Variants in CA7 observed in about 807,000 individuals in gnomAD.
The protein encoded by CA7 is carbonic anhydrase 7, also known as carbonate dehydratase VII.
A neutral mutation model predicts 31.4 loss-of-function variants in CA7; 13 were observed. That is an observed-to-expected ratio of 0.41 (90% confidence interval 0.27 to 0.66). The LOEUF (loss-of-function observed/expected upper bound fraction) is 0.66, where lower values mean the gene tolerates loss of function less well. CA7 is among the 30% of genes least tolerant of loss of function. The pLI, the probability that CA7 is intolerant of heterozygous loss-of-function variation, is 0.28. For synonymous variants in CA7, 128 were observed against 133.2 expected, an observed-to-expected ratio of 0.96 and a Z score of 0.27; for missense variants, 215 against 351.0, an observed-to-expected ratio of 0.61 and a Z score of 3.10.
chr16:66,847,001 T>G, intron 1 of CA7, 29 bp from the exon 2 acceptor site: 1 of 1,609,424 alleles, frequency 6.2e-7, no homozygotes, highest in Non-Finnish European at 8.5e-7. Context: ...CTGGCTGGCC[T>G]GAGTCCTTGC....
At position 66,844,544 on chromosome 16, in the gene CA7, C is replaced by G; in HGVS notation, c.40+17C>G. ...AGGACGACGGTAGGCACAGACCTCC[C>G]CCACCGCCTCTGGCTCGGACCCCCG... On this transcript the variant is annotated intron_variant, in intron 1 of 6. Coordinates refer to ENST00000338437, the MANE Select transcript of CA7 (RefSeq NM_005182.3). The G allele has an allele frequency of 6.5e-7, 1 of 1,538,264 alleles. No homozygotes were observed. The highest frequency in any genetic ancestry group is 8.8e-7 in the Non-Finnish European group (1 of 1,141,108).
intron 1 of CA7, among the ~76,000 whole-genome samples, chr16:66,846,374 T>G (rs906236334): frequency 6.6e-6 from 1 of 152,130 alleles, no homozygotes; most frequent in Non-Finnish European, 1.5e-5. Context: ...TGGAAGATCA[T>G]AGAAAGATTA....
In CA7 at chr16:66,853,428, A is replaced by G. The variant is rs1240628639; in HGVS notation, c.725A>G (p.His242Arg). 1 of 1,614,078 alleles carries G rather than the reference A, an allele frequency of 6.2e-7. No homozygotes were observed. Among genetic ancestry groups the G allele is most frequent in the African/African-American group, 1.3e-5 (1 of 74,928 alleles). The change falls in exon 7 of 7, where the codon CAC becomes CGC. Residue 242 changes from histidine (H) to arginine (R), a missense_variant. Transcript: ENST00000338437. This position sits in a 1 kb window ranked among gnomAD's most constrained non-coding sequence, Gnocchi z 4.5. ...LFTSEDDERIHMVNNFRPPQP... is the reference protein window; with the variant it reads ...LFTSEDDERIRMVNNFRPPQP... ...ACCTCGGAGGACGATGAGAGGATCC[A>G]CATGGTGAACAACTTCCGGCCACCA...
intron 5 of CA7, among the ~76,000 whole-genome samples, chr16:66,852,272 G>C (rs1961072361): frequency 6.6e-6 from 1 of 152,088 alleles, no homozygotes; most frequent in Non-Finnish European, 1.5e-5. Flanking sequence ...AGACCAGCCT[G>C]GCTAACATGG....
rs1004133546 is a variant in CA7 at position 66,854,112 on chromosome 16, T to G, written c.*614T>G. 1 of 153,540 alleles carries G rather than the reference T, an allele frequency of 6.5e-6. No individual in the cohort carries two copies. The highest frequency in any genetic ancestry group is 6.5e-5 in the Admixed American group (1 of 15,406). The allele number at this position is 153,540 out of a possible 1,614,324, so 9.5% of individuals were successfully genotyped here. A position where few individuals can be genotyped will look rare whatever the true frequency, so the allele number is the denominator to read the frequency against. ...AGCCACCTACATGACAGTCCATCCC[T>G]GTTGAATTAATAAATTAATGTATCC... On this transcript the variant is annotated 3_prime_UTR_variant, in exon 7 of 7. Coordinates refer to ENST00000338437, the MANE Select transcript of CA7 (RefSeq NM_005182.3).
intron 5 of CA7, among the ~76,000 whole-genome samples, 178 bp downstream of exon 5, chr16:66,851,904 G>A (rs559861076): frequency 6.6e-6 from 1 of 152,168 alleles, no homozygotes; most frequent in Non-Finnish European, 1.5e-5. Flanking sequence ...AGCCCCCTTG[G>A]GTGTCCAGCA....
chr16:66,850,653 C>T lies in CA7; in HGVS notation c.351C>T (p.Pro117=). Residue 117 remains proline, a synonymous_variant, in exon 3 of 7, where the codon CCC becomes CCT. Coordinates refer to ENST00000338437, the MANE Select transcript of CA7 (RefSeq NM_005182.3). The part of the protein sequence containing the change: ...SEHTVDGKSF[P]SELHLVHWNA... ...ACACGGTGGACGGCAAGTCCTTCCC[C>T]AGCGAGGTACGGGCCCTCCTCCACT... The T allele has an allele frequency of 6.2e-7, 1 of 1,605,650 alleles. No individual in the cohort carries two copies. Among genetic ancestry groups the T allele is most frequent in the South Asian group, 1.1e-5 (1 of 90,924 alleles).
In CA7 at chr16:66,847,234, GGCCCCT is replaced by G. The variant is rs1567505416; in HGVS notation, c.238+11_238+16del. ...GACAGCGATGACCGAACCGGTAAGTGGCCCCTGCCAAAGCCTGGCACCTGGCCCCTG... is the reference window on the plus strand; with the variant it reads ...GACAGCGATGACCGAACCGGTAAGTGGCCAAAGCCTGGCACCTGGCCCCTG... On this transcript the variant is annotated splice_region_variant and intron_variant, in intron 2 of 6. Coordinates refer to ENST00000338437, the MANE Select transcript of CA7 (RefSeq NM_005182.3). The G allele has an allele frequency of 3.1e-6, 5 of 1,613,986 alleles. No individual in the cohort carries two copies. Among genetic ancestry groups the G allele is most frequent in the Non-Finnish European group, 4.2e-6 (5 of 1,179,900 alleles).
In CA7 at chr16:66,852,839, G is replaced by A. The variant is rs535649595; in HGVS notation, c.644G>A (p.Arg215Gln). The change falls in exon 6 of 7, where the codon CGG becomes CAG. Residue 215 changes from arginine to glutamine, a missense_variant. By Grantham distance (43) the Arg-to-Gln change is conservative. Coordinates refer to ENST00000338437, the MANE Select transcript of CA7 (RefSeq NM_005182.3). ...LSESVTWIVL[R>Q]EPICISERQM... ...GAGAGTGTCACCTGGATTGTGCTCC[G>A]GGAGCCCATCTGCATCTCTGAAAGG... 53 of 1,613,590 alleles carry A rather than the reference G, an allele frequency of 3.3e-5. 1 individual carries two copies. The highest frequency in any genetic ancestry group is 3.0e-4 in the South Asian group (27 of 91,020).
At chr16:66,851,355 C>G in intron 3 of CA7, 108 bp from the exon 4 acceptor site, 1 of 933,532 alleles carries the variant, frequency 1.1e-6, no homozygotes, top group Non-Finnish European at 1.8e-6. Context: ...TTGACAGCTT[C>G]CCCTTCCTGC....
Position 66,844,477 on chromosome 16 carries a change from A to G in CA7, c.-11A>G. ...ACCGGGCAGGTGCACGGCTGCGGGG[A>G]CGGCAGCGGCATGACCGGCCACCAC... is the stretch of plus-strand genomic sequence containing the variant. On this transcript the variant is annotated 5_prime_UTR_variant, in exon 1 of 7. Transcript: ENST00000338437. 6.5e-7 allele frequency: 1 copy of G among 1,539,754 alleles called. No homozygotes were observed. The highest frequency in any genetic ancestry group is 1.4e-5 in the African/African-American group (1 of 71,744).
intron 2 of CA7, among the ~76,000 whole-genome samples, chr16:66,849,318 AGAGAC>A (rs1960990704): frequency 6.6e-6 from 1 of 152,190 alleles, no homozygotes; most frequent in Non-Finnish European, 1.5e-5. Context: ...CCAGGAAGGT[AGAGAC>A]CCTCAGGAGC....
At chr16:66,850,713 C>T in intron 3 of CA7, 54 bp downstream of exon 3, 1 of 1,322,376 alleles carries the variant, frequency 7.6e-7, no homozygotes, top group Non-Finnish European at 1.1e-6. Context: ...GAACGCAGGC[C>T]TGGGTAGTCA....
At chr16:66,846,951 C>A (rs1367416889) in intron 1 of CA7, 79 bp from the exon 2 acceptor site, 4 of 1,203,524 alleles carry the variant, frequency 3.3e-6, no homozygotes, top group Non-Finnish European at 4.9e-6. Context: ...CTGAAGAGAC[C>A]ATTCCCCTAT....
Position 66,844,904 on chromosome 16 carries a change from G to C in CA7, c.40+377G>C, listed in dbSNP as rs1342669193. 3 of 1,046,444 alleles carry C rather than the reference G, an allele frequency of 2.9e-6. No homozygotes were observed. In the Admixed American group the frequency reaches 1.7e-4, roughly 58 times the overall value. 64.8% of individuals were successfully genotyped at this position (1,046,444 alleles called of 1,614,324 possible). On this transcript the variant is annotated intron_variant, in intron 1 of 6. Coordinates refer to ENST00000338437, the MANE Select transcript of CA7 (RefSeq NM_005182.3). ...CGGGGGGCGGGCGCCGCGGAGCGCT[G>C]TGCGCGGGTGTCTGCGGGGAGCGCG...
chr16:66,845,174 A>G (rs1960901749), intron 1 of CA7: 2 of 985,516 alleles, frequency 2.0e-6, no homozygotes, highest in Non-Finnish European at 2.4e-6. Context: ...GACGCGGAAG[A>G]GAGCTCCTTC....
chr16:66,847,642 T>C (rs372926999), intron 2 of CA7, among the ~76,000 whole-genome samples: 15 of 152,316 alleles, frequency 9.8e-5, no homozygotes, highest in Middle Eastern at 3.4e-3. Context: ...AATTTACAAG[T>C]GCCAAACCCC....
chr16:66,847,786 T>C lies in CA7; in HGVS notation c.238+559T>C, dbSNP rs183445170. The stretch of plus-strand genomic sequence containing the variant: ...TGAAGGTCTCTCTCTCTCTCTCCAG[T>C]TCACCTATGACTTCAAGGTCCAACC... On this transcript the variant is annotated intron_variant, in intron 2 of 6. Coordinates refer to ENST00000338437, the MANE Select transcript of CA7 (RefSeq NM_005182.3). Among the ~76,000 whole-genome samples the C allele has an allele frequency of 1.9e-3, 282 of 152,286 alleles. 3 individuals carry two copies. Among genetic ancestry groups the C allele is most frequent in the Non-Finnish European group, 2.9e-3 (194 of 68,004 alleles).
intron 5 of CA7, among the ~76,000 whole-genome samples, chr16:66,852,387 C>G (rs971527236): frequency 6.6e-6 from 1 of 151,034 alleles, no homozygotes; most frequent in African/African-American, 2.4e-5. Context: ...TGCTTGAACC[C>G]AAGAGGCAGA....
Sources: allele counts gnomAD v4.1 joint callset (sites outside exome capture counted in the v4.1 genomes callset), GRCh38; gene constraint gnomAD v4.1.1; non-coding constraint Gnocchi (gnomAD v3.1); transcripts MANE v1.5; gene names NCBI Gene and HGNC (gene_info 2026-07-23, HGNC 2026-07-21).